Variants in UBE2Q2 observed in about 807,000 individuals in gnomAD.
The protein encoded by UBE2Q2 is ubiquitin-conjugating enzyme E2 Q2.
UBE2Q2 carries 54 observed loss-of-function variants against 59.9 expected under a neutral mutation model. The observed-to-expected ratio is 0.90, with a 90% CI of 0.72 to 1.13. The LOEUF (loss-of-function observed/expected upper bound fraction) is 1.13, where lower values mean the gene tolerates loss of function less well. UBE2Q2 is among the 50% of genes most tolerant of loss of function. The pLI is 0.00. For missense variants in UBE2Q2, 433 were observed against 441.9 expected, an observed-to-expected ratio of 0.98 and a Z score of 0.18; for synonymous variants, 165 against 155.2, an observed-to-expected ratio of 1.06 and a Z score of -0.47.
chr15:75,843,478 A>T lies in UBE2Q2; in HGVS notation c.-189A>T, dbSNP rs1595842451. 2 of 267,460 alleles carry T rather than the reference A, an allele frequency of 7.5e-6. No homozygotes were observed. 16.6% of individuals were successfully genotyped at this position (267,460 alleles called of 1,614,324 possible). On this transcript the variant is annotated 5_prime_UTR_variant, in exon 1 of 13. Coordinates refer to ENST00000267938, the MANE Select transcript of UBE2Q2 (RefSeq NM_173469.4). ...GTCGGTTACAAAGGAAGCGCCACCC[A>T]GGCCGCCACACGCCGAGGCTTCCGC...
chr15:75,890,173 T>G (rs560444458), intron 9 of UBE2Q2, among the ~76,000 whole-genome samples: 8 of 152,326 alleles, frequency 5.3e-5, no homozygotes, highest in Non-Finnish European at 1.2e-4. Flanking sequence ...TCTTAATTAC[T>G]GATATCATAC....
At chr15:75,860,124 C>T (rs1897135555) in intron 3 of UBE2Q2, 142 bp downstream of exon 3, 1 of 677,966 alleles carries the variant, frequency 1.5e-6, no homozygotes, top group Non-Finnish European at 2.5e-6. Context: ...TTTGTTTGTT[C>T]TGTTTTAGGT....
intron 1 of UBE2Q2, among the ~76,000 whole-genome samples, chr15:75,852,148 A>G (rs1483439557): frequency 6.6e-6 from 1 of 152,128 alleles, no homozygotes; most frequent in East Asian, 1.9e-4. Flanking sequence ...AAGTGCTGGG[A>G]TTACAGGCAT....
At chr15:75,866,546 C>A (rs1300824544) in intron 3 of UBE2Q2, among the ~76,000 whole-genome samples, 2 of 152,114 alleles carry the variant, frequency 1.3e-5, no homozygotes, top group African/African-American at 4.8e-5. Flanking sequence ...GCACTTGTCT[C>A]TTTTGTTTCT....
At chr15:75,844,354 A>G (rs1896204663) in intron 1 of UBE2Q2, 2 of 1,550,696 alleles carry the variant, frequency 1.3e-6, no homozygotes, top group South Asian at 1.2e-5. Flanking sequence ...GAAACTGACA[A>G]TGAGAATGGA....
intron 6 of UBE2Q2, 22 bp from the exon 7 acceptor site, chr15:75,877,939 A>G (rs763421692): frequency 5.0e-6 from 8 of 1,606,642 alleles, no homozygotes; most frequent in Middle Eastern, 1.7e-4. Flanking sequence ...AAGAGTAGCT[A>G]ACATGCTCTA....
At position 75,867,396 on chromosome 15, in the gene UBE2Q2, G is replaced by A. The variant is rs147679149; in HGVS notation, c.388-1555G>A. Among the ~76,000 whole-genome samples the A allele has an allele frequency of 6.3e-3, 965 of 152,298 alleles. 14 individuals are homozygous for A. The highest frequency in any genetic ancestry group is 0.023 in the African/African-American group (938 of 41,572). On this transcript the variant is annotated intron_variant, in intron 3 of 12. Transcript: ENST00000267938. Reference sequence around the variant, plus strand: ...TGGATTGAGTCTGTGACTTTCTCAAGCCCAGCAGTCTGATTCCATCTCCTT... The same window carrying A: ...TGGATTGAGTCTGTGACTTTCTCAAACCCAGCAGTCTGATTCCATCTCCTT...
intron 5 of UBE2Q2, among the ~76,000 whole-genome samples, chr15:75,874,201 A>G (rs1043809639): frequency 6.6e-6 from 1 of 151,876 alleles, no homozygotes; most frequent in Non-Finnish European, 1.5e-5. Context: ...AATACAATTC[A>G]AGTTCTTTCT....
chr15:75,854,566 A>G (rs1896807062), intron 2 of UBE2Q2, 79 bp downstream of exon 2: 2 of 818,722 alleles, frequency 2.4e-6, no homozygotes, highest in Non-Finnish European at 3.7e-6. Context: ...AGATAATATG[A>G]TATAAAAGCA....
intron 6 of UBE2Q2, 102 bp from the exon 7 acceptor site, chr15:75,877,859 A>C: frequency 9.5e-7 from 1 of 1,047,396 alleles, no homozygotes. Context: ...TTTTAAGAGC[A>C]AAATTTCTAG....
intron 9 of UBE2Q2, among the ~76,000 whole-genome samples, chr15:75,883,850 AC>A (rs1422004002): frequency 4.5e-3 from 9 of 1,996 alleles, no homozygotes; most frequent in Admixed American, 0.033. Context: ...ACACACACAC[AC>A]ACACACACAC....
intron 8 of UBE2Q2, among the ~76,000 whole-genome samples, chr15:75,881,730 T>C (rs1898439739): frequency 6.6e-6 from 1 of 152,194 alleles, no homozygotes; most frequent in African/African-American, 2.4e-5. Context: ...GAACTTGAGA[T>C]AAAGCATAAC....
At chr15:75,894,037 T>C (rs937405358) in intron 11 of UBE2Q2, among the ~76,000 whole-genome samples, 1 of 152,198 alleles carries the variant, frequency 6.6e-6, no homozygotes, top group African/African-American at 2.4e-5. Context: ...AAGTTAATAA[T>C]AAAACCAGAA....
At position 75,890,562 on chromosome 15, in the gene UBE2Q2, T is replaced by C. The variant is rs148273535; in HGVS notation, c.933+79T>C. 9.4e-4 allele frequency: 1,173 copies of C among 1,247,840 alleles called. 18 individuals carry two copies. The African/African-American group carries it at 0.015, about 16-fold the overall frequency. The allele number at this position is 1,247,840 out of a possible 1,614,324, so 77.3% of individuals were successfully genotyped here. ...GTAAATTAGATTGTAAGTAGAAAATTCTTTAATAGCTCCTACTCTTAAATT... is the reference window on the plus strand; with the variant it reads ...GTAAATTAGATTGTAAGTAGAAAATCCTTTAATAGCTCCTACTCTTAAATT... On this transcript the variant is annotated intron_variant, in intron 10 of 12. Transcript: ENST00000267938.
intron 1 of UBE2Q2, among the ~76,000 whole-genome samples, chr15:75,849,892 T>C (rs529516899): frequency 6.6e-6 from 1 of 152,314 alleles, no homozygotes; most frequent in East Asian, 1.9e-4. Flanking sequence ...TGAGCACCAT[T>C]CACTGTTTAA....
intron 11 of UBE2Q2, among the ~76,000 whole-genome samples, chr15:75,891,651 T>G (rs920689158): frequency 2.0e-5 from 3 of 152,210 alleles, no homozygotes; most frequent in Non-Finnish European, 4.4e-5. Context: ...AACTAGACAG[T>G]CTGGCTGCCC....
chr15:75,877,688 A>G (rs906951731), intron 6 of UBE2Q2, among the ~76,000 whole-genome samples: 5 of 152,342 alleles, frequency 3.3e-5, no homozygotes, highest in Middle Eastern at 3.4e-3. Flanking sequence ...TCTTAAGTAC[A>G]TATGATTTTG....
chr15:75,846,932 G>A (rs1896383216), intron 1 of UBE2Q2, among the ~76,000 whole-genome samples: 1 of 152,076 alleles, frequency 6.6e-6, no homozygotes, highest in Non-Finnish European at 1.5e-5. Context: ...TGTAGAATGT[G>A]CCCCTGACCT....
intron 1 of UBE2Q2, among the ~76,000 whole-genome samples, chr15:75,847,967 C>A (rs887071950): frequency 2.0e-5 from 3 of 151,996 alleles, no homozygotes; most frequent in African/African-American, 4.8e-5. Context: ...TTCATTATTG[C>A]CAAAAAGTGC....
Sources: gnomAD v4.1 joint callset for allele counts (sites outside exome capture counted in the v4.1 genomes callset) on GRCh38, gnomAD v4.1.1 for gene constraint, MANE v1.5 for transcripts, NCBI Gene and HGNC (gene_info 2026-07-23, HGNC 2026-07-21) for gene names.